The following TREM1 variants were observed in gnomAD, a reference collection of about 807,000 sequenced individuals.
The protein encoded by TREM1 is triggering receptor expressed on monocytes 1.
In TREM1, 16 loss-of-function variants were observed where a neutral mutation model predicts 22.4. The observed-to-expected ratio is 0.71, with a 90% CI of 0.48 to 1.08. The LOEUF is 1.08. Ranked by LOEUF, TREM1 falls within the 50% of genes least tolerant of loss-of-function variation. The pLI is 0.00. For synonymous variants in TREM1, 110 were observed against 111.6 expected (o/e 0.99, Z 0.09); for missense variants, 283 against 282.9 (o/e 1.00, Z 0.00).
chr6:41,272,121 G>A (rs1767496286), downstream of TREM1, among the ~76,000 whole-genome samples: 2 of 152,276 alleles, frequency 1.3e-5, no homozygotes, highest in South Asian at 4.2e-4. Context: ...ACAAACCTTG[G>A]GGGAAGTGTG....
At chr6:41,284,401 T>C (rs1432718840) in intron 1 of TREM1, among the ~76,000 whole-genome samples, 1 of 152,106 alleles carries the variant, frequency 6.6e-6, no homozygotes, top group Non-Finnish European at 1.5e-5. Context: ...CCGAACTGGG[T>C]TAACCATCTA....
At chr6:41,281,232 A>G in intron 2 of TREM1, 79 bp from the exon 3 acceptor site, 8 of 1,481,912 alleles carry the variant, frequency 5.4e-6, no homozygotes, top group Non-Finnish European at 7.3e-6. Flanking sequence ...GGATGTATGG[A>G]TGTATGGATG....
Position 41,282,236 on chromosome 6 carries a change from G to C in TREM1, c.406+159C>G, listed in dbSNP as rs142437123. 1,074 of 624,256 alleles carry C rather than the reference G, an allele frequency of 1.7e-3. 4 individuals carry two copies. The highest frequency in any genetic ancestry group is 0.014 in the African/African-American group (772 of 54,654). The allele number at this position is 624,256 out of a possible 1,614,324, so 38.7% of individuals were successfully genotyped here. A position where few individuals can be genotyped will look rare whatever the true frequency, so the allele number is the denominator to read the frequency against. On this transcript the variant is annotated intron_variant, in intron 2 of 3. Coordinates refer to ENST00000244709, the MANE Select transcript of TREM1 (RefSeq NM_018643.5). ...GCTATCCAAGGAGAATCTCATGCAT[G>C]GAAGGTTCTACTTACTACTGGACCT...
At chr6:41,267,962 T>C (rs949983078) in exon 4 of TREM1, 52 of 398,522 alleles carry the variant, frequency 1.3e-4, no homozygotes, top group African/African-American at 9.3e-4. Flanking sequence ...CTTTATAACA[T>C]GAATGCAAGG....
chr6:41,278,656 C>CA (rs555179629), intron 3 of TREM1, among the ~76,000 whole-genome samples: 21,759 of 134,696 alleles, frequency 0.16, 1,856 homozygotes, highest in East Asian at 0.3. Flanking sequence ...GACCGTGTCT[C>CA]AAAAAAAAAA....
chr6:41,278,208 G>A (rs67299405), intron 3 of TREM1, among the ~76,000 whole-genome samples: 12,277 of 151,784 alleles, frequency 0.081, 568 homozygotes, highest in African/African-American at 0.1. Flanking sequence ...TTATATGTGT[G>A]AGCCACAACA....
chr6:41,277,822 C>T (rs897451776), intron 3 of TREM1, among the ~76,000 whole-genome samples: 5 of 152,028 alleles, frequency 3.3e-5, no homozygotes, highest in Non-Finnish European at 5.9e-5. Context: ...GGTTATGACA[C>T]GCTTGCTTGG....
At chr6:41,277,461 C>T (rs1017320298) in intron 3 of TREM1, among the ~76,000 whole-genome samples, 5 of 152,148 alleles carry the variant, frequency 3.3e-5, no homozygotes, top group Admixed American at 6.5e-5. Flanking sequence ...GCATCTGCCC[C>T]GATTCCAGTG....
rs967024404 is a variant in TREM1 at position 41,281,091 on chromosome 6, T to C, written c.469A>G (p.Thr157Ala). The C allele has an allele frequency of 6.2e-7, 1 of 1,614,156 alleles. No individual in the cohort carries two copies. Among genetic ancestry groups the C allele is most frequent in the Non-Finnish European group, 8.5e-7 (1 of 1,180,022 alleles). The change falls in exon 3 of 4, where the codon ACC becomes GCC. Residue 157 changes from threonine (T) to alanine (A), a missense_variant. Physicochemically the swap from Thr to Ala is moderately conservative, Grantham distance 58. Coordinates refer to ENST00000244709, the MANE Select transcript of TREM1 (RefSeq NM_018643.5). ...STQNVYKIPP[T>A]TTKALCPLYT... ...AGTGGGCACAAGGCCTTAGTGGTGG[T>C]AGGAGGAATCTTATACACATTCTGG... is the stretch of plus-strand genomic sequence containing the variant.
downstream of TREM1, among the ~76,000 whole-genome samples, chr6:41,270,765 C>T (rs1033084305): frequency 6.6e-6 from 1 of 152,126 alleles, no homozygotes; most frequent in African/African-American, 2.4e-5. Context: ...GGCTGGAGTG[C>T]AGTGGTGCAA....
At chr6:41,270,218 C>T (rs1211418318), downstream of TREM1, 1 of 152,270 alleles carries the variant, frequency 6.6e-6, no homozygotes, top group Non-Finnish European at 1.5e-5. Flanking sequence ...TCACCTACAG[C>T]TTGGAATCTG....
In TREM1 at chr6:41,282,585, C is replaced by T. The variant is rs2234238; in HGVS notation, c.216G>A (p.Arg72=). 586 of 1,614,166 alleles carry T rather than the reference C, an allele frequency of 3.6e-4. 1 individual carries two copies. The highest frequency in any genetic ancestry group is 2.8e-3 in the Middle Eastern group (17 of 6,062). ...GGACTGGATGGGAATTCTTTGAAGGCCTCTCTGTGCATGCCAGGGTCTTGG... is the reference window on the plus strand; with the variant it reads ...GGACTGGATGGGAATTCTTTGAAGGTCTCTCTGTGCATGCCAGGGTCTTGG... The part of the protein sequence containing the change: ...EMPKTLACTE[R]PSKNSHPVQV... The change falls in exon 2 of 4, where the codon AGG becomes AGA. Residue 72 remains arginine (R), a synonymous_variant. Transcript: ENST00000244709.
chr6:41,276,101 G>A lies in TREM1; in HGVS notation c.*24C>T, dbSNP rs764996405. On this transcript the variant is annotated 3_prime_UTR_variant, in exon 4 of 4. Transcript: ENST00000244709. The stretch of plus-strand genomic sequence containing the variant: ...CAGATGGATGTGGCTGGAAGTCAGA[G>A]GACATTCTCGTGGGTTCGTGGGCCT... The A allele has an allele frequency of 6.3e-7, 1 of 1,584,708 alleles. No individual in the cohort carries two copies. The highest frequency in any genetic ancestry group is 8.7e-7 in the Non-Finnish European group (1 of 1,153,376).
chr6:41,268,102 C>T (rs1275651125), intron 3 of TREM1: 6 of 398,436 alleles, frequency 1.5e-5, no homozygotes, highest in African/African-American at 4.1e-5. Flanking sequence ...CAAATTCAAG[C>T]GGGGGAAATG....
chr6:41,279,577 C>T (rs1767818864), intron 3 of TREM1: 2 of 985,274 alleles, frequency 2.0e-6, no homozygotes, highest in African/African-American at 3.5e-5. Flanking sequence ...GTTTAATGAG[C>T]ACTTTGTTCC....
Position 41,274,782 on chromosome 6 carries a change from C to T in TREM1, c.*1343G>A, listed in dbSNP as rs979641726. Among the ~76,000 whole-genome samples, 6 of 152,168 alleles carry T rather than the reference C, an allele frequency of 3.9e-5. No homozygotes were observed. Among genetic ancestry groups the T allele is most frequent in the African/African-American group, 1.4e-4 (6 of 41,438 alleles). On this transcript the variant is annotated 3_prime_UTR_variant, in exon 4 of 4. Transcript: ENST00000244709. ...CTTATGCGATGGAGCAGTCTGGAAG[C>T]TGGACCTCCCCGTGCAGGGAACTTT... is the stretch of plus-strand genomic sequence containing the variant.
At chr6:41,268,627 G>C (rs536478627), downstream of TREM1, among the ~76,000 whole-genome samples, 3 of 152,252 alleles carry the variant, frequency 2.0e-5, no homozygotes, top group South Asian at 6.2e-4. Flanking sequence ...ACTGCCAGGG[G>C]TTTACTGAGG....
chr6:41,271,888 C>A (rs1373186669), downstream of TREM1, among the ~76,000 whole-genome samples: 1 of 152,162 alleles, frequency 6.6e-6, no homozygotes, highest in East Asian at 1.9e-4. Flanking sequence ...TCTCCCTGGT[C>A]CCCTCTTCCC....
intron 1 of TREM1, among the ~76,000 whole-genome samples, chr6:41,284,707 C>T (rs745599913): frequency 6.6e-6 from 1 of 152,150 alleles, no homozygotes; most frequent in African/African-American, 2.4e-5. Flanking sequence ...ATGACAAGTG[C>T]TTACCCTTTC....
Sources: allele counts gnomAD v4.1 joint callset (sites outside exome capture counted in the v4.1 genomes callset), GRCh38; gene constraint gnomAD v4.1.1; transcripts MANE v1.5; gene names NCBI Gene and HGNC (gene_info 2026-07-23, HGNC 2026-07-21).